Variants in TASP1 observed in about 807,000 individuals in gnomAD.
The protein encoded by TASP1 is taspase 1, also known as threonine aspartase 1.
A neutral mutation model predicts 56.6 loss-of-function variants in TASP1; 16 were observed. The ratio of observed to expected loss-of-function variants is 0.28; its 90% CI spans 0.19 to 0.43. The LOEUF (loss-of-function observed/expected upper bound fraction) is 0.43, where lower values mean the gene tolerates loss of function less well. Among genes scored for constraint, TASP1 ranks in the 20% least tolerant of loss-of-function variants. The probability of loss-of-function intolerance (pLI) is 1.00; values close to 1 mark genes in which losing one functional copy is unlikely to be tolerated. For synonymous variants in TASP1, 179 were observed against 184.2 expected (o/e 0.97, Z 0.23); for missense variants, 393 against 511.6 (o/e 0.77, Z 2.24).
the TASP1 span, among the ~76,000 whole-genome samples, chr20:13,332,543 A>G: frequency 5.9e-5 from 9 of 152,250 alleles, no homozygotes; most frequent in Non-Finnish European, 1.3e-4. Flanking sequence ...TATAGCTCAT[A>G]CATGTGTATG....
At position 13,580,964 on chromosome 20, in the gene TASP1, A is replaced by T; in HGVS notation, c.421T>A (p.Ser141Thr). The change falls in exon 6 of 14, where the codon TCG becomes ACG. Residue 141 changes from serine (S) to threonine (T), a missense_variant. Physicochemically the swap from Ser to Thr is moderately conservative, Grantham distance 58. This residue lies in a region of TASP1 where 293 missense variants were observed against 354.2 expected (regional missense o/e 0.83). Transcript: ENST00000337743. ...TCACATAAGAGTCTGTTGGCAACCG[A>T]GACTGGGTTCTTGATTCCTATAAAA... ...GALSGIKNPV[S>T]VANRLLCEGQ... is the part of the protein sequence containing the mutation. 2 of 1,609,530 alleles carry T rather than the reference A, an allele frequency of 1.2e-6. No individual in the cohort carries two copies. The highest frequency in any genetic ancestry group is 1.7e-6 in the Non-Finnish European group (2 of 1,177,990).
chr20:13,226,144 C>T, the TASP1 span, among the ~76,000 whole-genome samples: 2 of 151,736 alleles, frequency 1.3e-5, no homozygotes, highest in South Asian at 2.1e-4. Context: ...ACCAAACTCT[C>T]GAATGTAGTA....
chr20:13,485,243 C>T (rs1357473215), intron 10 of TASP1, among the ~76,000 whole-genome samples: 2 of 152,074 alleles, frequency 1.3e-5, no homozygotes, highest in Non-Finnish European at 2.9e-5. Context: ...TTGACTATTA[C>T]ATTAGTCATA....
At chr20:13,374,288 T>C in the TASP1 span, among the ~76,000 whole-genome samples, 2 of 152,154 alleles carry the variant, frequency 1.3e-5, no homozygotes, top group African/African-American at 4.8e-5. Flanking sequence ...TCCGTGTGTG[T>C]GTGAGAGAGA....
At chr20:13,525,541 C>T (rs969154841) in intron 10 of TASP1, among the ~76,000 whole-genome samples, 2 of 152,176 alleles carry the variant, frequency 1.3e-5, no homozygotes, top group African/African-American at 4.8e-5. Flanking sequence ...TGGGAGAGCC[C>T]TATCCTAACC....
chr20:13,218,215 C>T, the TASP1 span, among the ~76,000 whole-genome samples: 2 of 148,992 alleles, frequency 1.3e-5, no homozygotes, highest in Non-Finnish European at 3.0e-5. Flanking sequence ...CGCACCACTA[C>T]ACTCCAGCCT....
chr20:13,552,300 T>C (rs2046005931), intron 8 of TASP1, among the ~76,000 whole-genome samples: 1 of 152,134 alleles, frequency 6.6e-6, no homozygotes, highest in Non-Finnish European at 1.5e-5. Flanking sequence ...AGTCTGTCAG[T>C]GATGTGTCAC....
chr20:13,292,432 G>A, the TASP1 span: 38 of 1,604,968 alleles, frequency 2.4e-5, no homozygotes, highest in Middle Eastern at 3.3e-4. Flanking sequence ...CGGGAAGCGA[G>A]GAGTTTAATG....
chr20:13,233,013 C>T, the TASP1 span, among the ~76,000 whole-genome samples: 1 of 147,968 alleles, frequency 6.8e-6, no homozygotes, highest in East Asian at 2.0e-4. Flanking sequence ...AAAGAAAATT[C>T]GATGCTGGAC....
chr20:13,137,883 C>G, the TASP1 span, among the ~76,000 whole-genome samples: 4 of 152,136 alleles, frequency 2.6e-5, no homozygotes, highest in Non-Finnish European at 5.9e-5. Context: ...TGGCTCCTGA[C>G]TCCAAACATA....
the TASP1 span, among the ~76,000 whole-genome samples, chr20:13,206,615 C>A: frequency 6.6e-6 from 1 of 152,082 alleles, no homozygotes; most frequent in South Asian, 2.1e-4. Flanking sequence ...ACCCAAGATT[C>A]CTTCCGTCTA....
the TASP1 span, among the ~76,000 whole-genome samples, chr20:13,307,637 C>T: frequency 6.6e-6 from 1 of 152,314 alleles, no homozygotes; most frequent in African/African-American, 2.4e-5. Context: ...ATGAATTTTA[C>T]ACCAGATTAG....
At chr20:13,585,627 T>C (rs1409073276) in intron 5 of TASP1, among the ~76,000 whole-genome samples, 5 of 151,996 alleles carry the variant, frequency 3.3e-5, no homozygotes, top group African/African-American at 4.8e-5. Flanking sequence ...TGAATACCAC[T>C]ACACACATAA....
chr20:13,455,829 C>T (rs74687528), intron 11 of TASP1, among the ~76,000 whole-genome samples: 8,940 of 152,110 alleles, frequency 0.059, 371 homozygotes, highest in African/African-American at 0.12. Flanking sequence ...ATTTGTAAAC[C>T]GCTGATTTAC....
chr20:13,215,172 C>T, the TASP1 span, among the ~76,000 whole-genome samples: 7 of 152,208 alleles, frequency 4.6e-5, no homozygotes, highest in Non-Finnish European at 7.3e-5. Flanking sequence ...AACCTGGGCT[C>T]TTGTCCTGAT....
chr20:13,315,725 C>T, the TASP1 span, among the ~76,000 whole-genome samples: 1 of 151,924 alleles, frequency 6.6e-6, no homozygotes, highest in African/African-American at 2.4e-5. Context: ...ATGAAATATT[C>T]ACCAGGACAG....
At chr20:13,192,770 T>C in the TASP1 span, among the ~76,000 whole-genome samples, 1 of 151,384 alleles carries the variant, frequency 6.6e-6, no homozygotes, top group African/African-American at 2.4e-5. Flanking sequence ...ACTATGTTGG[T>C]CACAAACTTC....
chr20:13,336,555 G>C, the TASP1 span, among the ~76,000 whole-genome samples: 1 of 152,286 alleles, frequency 6.6e-6, no homozygotes, highest in Middle Eastern at 3.4e-3. Flanking sequence ...CCTCAAGTAT[G>C]CCAGAGCCTG....
chr20:13,261,110 C>T, the TASP1 span, among the ~76,000 whole-genome samples: 2 of 152,172 alleles, frequency 1.3e-5, no homozygotes, highest in Admixed American at 6.5e-5. Context: ...GTCCCTTTGG[C>T]CGCAGTAAGA....
Sources: gnomAD v4.1 joint callset for allele counts (sites outside exome capture counted in the v4.1 genomes callset) on GRCh38, gnomAD v4.1.1 for gene constraint, gnomAD v4.1.1 regional missense constraint, MANE v1.5 for transcripts, NCBI Gene and HGNC (gene_info 2026-07-23, HGNC 2026-07-21) for gene names.